Variants in SLC24A3 observed in about 807,000 individuals in gnomAD.
SLC24A3 encodes the protein sodium/potassium/calcium exchanger 3.
A neutral mutation model predicts 75.8 loss-of-function variants in SLC24A3; 28 were observed. That is an observed-to-expected ratio of 0.37 (90% confidence interval 0.27 to 0.51). The LOEUF is 0.51. Among genes scored for constraint, SLC24A3 ranks in the 20% least tolerant of loss-of-function variants. The probability of loss-of-function intolerance (pLI) is 0.94; values close to 1 mark genes in which losing one functional copy is unlikely to be tolerated. For missense variants in SLC24A3, 663 were observed against 847.8 expected, an observed-to-expected ratio of 0.78 and a Z score of 2.71; for synonymous variants, 372 against 334.1, an observed-to-expected ratio of 1.11 and a Z score of -1.24.
intron 2 of SLC24A3, among the ~76,000 whole-genome samples, chr20:19,437,643 G>A (rs528979136): frequency 7.2e-5 from 11 of 152,240 alleles, no homozygotes; most frequent in East Asian, 5.8e-4. Context: ...TGACCCAAAC[G>A]GCCAGGACAG....
chr20:19,561,079 G>A (rs1024956206), intron 3 of SLC24A3, among the ~76,000 whole-genome samples: 9 of 152,076 alleles, frequency 5.9e-5, no homozygotes, highest in Non-Finnish European at 2.9e-5. Flanking sequence ...GAGTATTTCC[G>A]CTGACCTTTC....
At chr20:19,298,023 G>T (rs1460180355) in intron 2 of SLC24A3, among the ~76,000 whole-genome samples, 1 of 152,230 alleles carries the variant, frequency 6.6e-6, no homozygotes, top group Non-Finnish European at 1.5e-5. Context: ...TAAGTGGGAG[G>T]AGAGAAGCTA....
chr20:19,529,725 C>A (rs1178187991), intron 3 of SLC24A3, among the ~76,000 whole-genome samples: 1 of 152,192 alleles, frequency 6.6e-6, no homozygotes, highest in Non-Finnish European at 1.5e-5. Context: ...AGGCTCATCC[C>A]ATCCTAGGTA....
intron 2 of SLC24A3, among the ~76,000 whole-genome samples, chr20:19,363,583 T>C (rs1013904103): frequency 6.6e-6 from 1 of 152,128 alleles, no homozygotes; most frequent in African/African-American, 2.4e-5. Flanking sequence ...CCATTCATGG[T>C]GCTCTATGGC....
chr20:19,539,417 C>T (rs577996450), intron 3 of SLC24A3, among the ~76,000 whole-genome samples: 1 of 152,266 alleles, frequency 6.6e-6, no homozygotes, highest in East Asian at 1.9e-4. Flanking sequence ...AGCTTTGAGC[C>T]TCGTGGCCTT....
chr20:19,349,842 G>T (rs1217172384), intron 2 of SLC24A3, among the ~76,000 whole-genome samples: 1 of 152,118 alleles, frequency 6.6e-6, no homozygotes, highest in African/African-American at 2.4e-5. Context: ...CAACTCTCTG[G>T]CTGCTTTGGT....
intron 2 of SLC24A3, among the ~76,000 whole-genome samples, chr20:19,310,969 C>T (rs554764269): frequency 2.0e-5 from 3 of 151,560 alleles, no homozygotes; most frequent in African/African-American, 7.3e-5. Context: ...CTTTTTTATT[C>T]CCCCTCTATG....
intron 2 of SLC24A3, among the ~76,000 whole-genome samples, chr20:19,403,840 G>A (rs556697540): frequency 5.3e-5 from 8 of 152,192 alleles, no homozygotes; most frequent in Non-Finnish European, 1.2e-4. Context: ...AGGTGGTAGA[G>A]CCTTTTGGGG....
chr20:19,605,150 G>C (rs146412960), intron 6 of SLC24A3, among the ~76,000 whole-genome samples: 1 of 152,172 alleles, frequency 6.6e-6, no homozygotes, highest in Admixed American at 6.5e-5. Flanking sequence ...CTAGATTTGG[G>C]AAACTCCCAG....
intron 2 of SLC24A3, among the ~76,000 whole-genome samples, chr20:19,406,562 G>A (rs1353408816): frequency 3.3e-5 from 5 of 152,184 alleles, no homozygotes; most frequent in African/African-American, 9.6e-5. Context: ...GGAATTTACA[G>A]TCTAGCTGGG....
At chr20:19,711,912 A>T (rs951469831) in intron 15 of SLC24A3, among the ~76,000 whole-genome samples, 2 of 151,962 alleles carry the variant, frequency 1.3e-5, no homozygotes, top group Non-Finnish European at 2.9e-5. Flanking sequence ...TGCTAGGGTT[A>T]CAGGTGTGAG....
intron 7 of SLC24A3, among the ~76,000 whole-genome samples, chr20:19,661,858 T>G (rs938955167): frequency 1.3e-5 from 2 of 152,056 alleles, no homozygotes; most frequent in African/African-American, 4.8e-5. Context: ...AGCACTCCAT[T>G]CCCTTGGCAG....
chr20:19,280,530 T>C (rs1012742597), intron 1 of SLC24A3, among the ~76,000 whole-genome samples: 2 of 152,306 alleles, frequency 1.3e-5, no homozygotes, highest in African/African-American at 2.4e-5. Flanking sequence ...AATGATGTCA[T>C]GTGGGCAGCT....
In SLC24A3 at chr20:19,584,997, T is replaced by C; in HGVS notation, c.450T>C (p.Ala150=). The change falls in exon 5 of 17, where the codon GCT becomes GCC. Residue 150 remains alanine (A), a synonymous_variant. Transcript: ENST00000328041. ...GCCTGCACCTCAGTGAAGATGTGGC[T>C]GGGGCCACATTCATGGCAGCGGGAA... The part of the protein sequence containing the change: ...CERLHLSEDV[A]GATFMAAGSS... 1.2e-6 allele frequency: 2 copies of C among 1,613,886 alleles called. No homozygotes were observed. Among genetic ancestry groups the C allele is most frequent in the South Asian group, 2.2e-5 (2 of 91,070 alleles).
At chr20:19,482,614 G>A (rs971243507) in intron 2 of SLC24A3, among the ~76,000 whole-genome samples, 13 of 152,232 alleles carry the variant, frequency 8.5e-5, no homozygotes, top group African/African-American at 2.7e-4. Context: ...ATGTGCTCAG[G>A]AAATTTTATT....
chr20:19,237,563 C>T (rs535086505), intron 1 of SLC24A3, among the ~76,000 whole-genome samples: 1 of 152,172 alleles, frequency 6.6e-6, no homozygotes, highest in Admixed American at 6.5e-5. Context: ...CTCTCTGAGA[C>T]AACCAAACAC....
chr20:19,384,582 A>AC (rs1986239683), intron 2 of SLC24A3, among the ~76,000 whole-genome samples: 1 of 152,212 alleles, frequency 6.6e-6, no homozygotes, highest in Non-Finnish European at 1.5e-5. Context: ...ATCTGTAGGT[A>AC]GATGGACACT....
intron 1 of SLC24A3, chr20:19,244,436 T>G (rs1048469295): frequency 6.6e-6 from 1 of 152,282 alleles, no homozygotes; most frequent in Admixed American, 6.5e-5. Context: ...ATCTGAGGAA[T>G]GAAGAGACAT....
intron 2 of SLC24A3, among the ~76,000 whole-genome samples, chr20:19,481,299 T>C (rs1988049655): frequency 6.6e-6 from 1 of 152,200 alleles, no homozygotes; most frequent in Non-Finnish European, 1.5e-5. Flanking sequence ...GACTATGTGC[T>C]GGACACCCGT....
Sources: allele counts gnomAD v4.1 joint callset (sites outside exome capture counted in the v4.1 genomes callset), GRCh38; gene constraint gnomAD v4.1.1; transcripts MANE v1.5; gene names NCBI Gene and HGNC (gene_info 2026-07-23, HGNC 2026-07-21).